STS: variants seen among roughly 807,000 people sequenced by gnomAD.
STS encodes steroid sulfatase.
STS carries 7 observed loss-of-function variants against 26.8 expected under a neutral mutation model. That is an observed-to-expected ratio of 0.26 (90% CI 0.15 to 0.49). The LOEUF (loss-of-function observed/expected upper bound fraction) is 0.49. Among genes scored for constraint, STS ranks in the 20% least tolerant of loss-of-function variants. The pLI, the probability that STS is intolerant of heterozygous loss-of-function variation, is 0.98. For synonymous variants in STS, 199 were observed against 189.4 expected, an observed-to-expected ratio of 1.05 and a Z score of -0.42; for missense variants, 434 against 465.6, an observed-to-expected ratio of 0.93 and a Z score of 0.63.
intron 8 of STS, among the ~76,000 whole-genome samples, chrX:7,323,631 C>A (rs1927181037): frequency 8.9e-6 from 1 of 111,754 alleles, no homozygotes; most frequent in East Asian, 2.8e-4. Context: ...TGTCGATGGG[C>A]ACCTGGATTA....
At chrX:7,237,218 A>T (rs1922360052) in intron 2 of STS, among the ~76,000 whole-genome samples, 1 of 110,185 alleles carries the variant, frequency 9.1e-6, no homozygotes, top group African/African-American at 3.3e-5. Context: ...TTGCTCAAAA[A>T]AAAAAAAAAA....
chrX:7,244,203 A>G (rs1922755390), intron 2 of STS, among the ~76,000 whole-genome samples: 1 of 112,069 alleles, frequency 8.9e-6, no homozygotes, highest in South Asian at 3.7e-4. Flanking sequence ...TAAGGTAGCA[A>G]AAGATTTGCC....
intron 2 of STS, among the ~76,000 whole-genome samples, chrX:7,237,271 G>T (rs1057445889): frequency 3.8e-5 from 4 of 106,399 alleles, no homozygotes; most frequent in Non-Finnish European, 5.8e-5. Context: ...AAAACACGAA[G>T]GCCTTTTAAA....
chrX:7,341,569 C>G (rs1228891877), intron 10 of STS, among the ~76,000 whole-genome samples: 1 of 112,124 alleles, frequency 8.9e-6, no homozygotes, highest in Admixed American at 9.5e-5. Flanking sequence ...ACTCCGTTAT[C>G]TGCCATGATC....
intron 8 of STS, among the ~76,000 whole-genome samples, chrX:7,324,443 GAGA>G (rs2147163683): frequency 8.9e-6 from 1 of 111,977 alleles, no homozygotes; most frequent in East Asian, 2.8e-4. Context: ...GACCCCAAAA[GAGA>G]AGGAGATTGT....
chrX:7,159,048 C>T (rs1933190099), intron 1 of STS, among the ~76,000 whole-genome samples: 1 of 111,443 alleles, frequency 9.0e-6, no homozygotes, highest in African/African-American at 3.3e-5. Flanking sequence ...TACTGAGAGC[C>T]AGAGGCACAC....
chrX:7,257,821 T>G lies in STS; in HGVS notation c.382+233T>G, dbSNP rs377372816. On this transcript the variant is annotated intron_variant, in intron 5 of 10. Coordinates refer to ENST00000674429, the MANE Select transcript of STS (RefSeq NM_001320752.2). The stretch of plus-strand genomic sequence containing the variant: ...TATAGATGTGTGTGTGTGTGTGTGT[T>G]GTGTGTTTGTGTGTGTGTGTGCATG... Among the ~76,000 whole-genome samples, 62 of 88,364 alleles carry G rather than the reference T, an allele frequency of 7.0e-4. No homozygotes were observed. The highest frequency in any genetic ancestry group is 3.2e-4 in the Non-Finnish European group (13 of 41,137). The allele number at this position is 88,364 out of a possible 115,157, so 76.7% of individuals were successfully genotyped here. A position where few individuals can be genotyped will look rare whatever the true frequency, so the allele number is the denominator to read the frequency against.
At chrX:7,322,082 G>A (rs1468553830) in intron 8 of STS, among the ~76,000 whole-genome samples, 2 of 112,618 alleles carry the variant, frequency 1.8e-5, no homozygotes, top group East Asian at 2.8e-4. Context: ...ATTTATTCAC[G>A]TGCGTGGAGC....
At chrX:7,182,099 A>C (rs1933692124) in intron 1 of STS, among the ~76,000 whole-genome samples, 1 of 111,624 alleles carries the variant, frequency 9.0e-6, no homozygotes, top group South Asian at 3.8e-4. Flanking sequence ...AAAAAACCTC[A>C]AAACAACCAA....
At chrX:7,319,520 G>C (rs1175804498) in intron 8 of STS, among the ~76,000 whole-genome samples, 3 of 109,826 alleles carry the variant, frequency 2.7e-5, no homozygotes, top group African/African-American at 1.0e-4. Context: ...TCTACAGCCA[G>C]GTGCATCCCT....
intron 2 of STS, among the ~76,000 whole-genome samples, chrX:7,249,998 G>T (rs1923059897): frequency 9.0e-6 from 1 of 111,077 alleles, no homozygotes; most frequent in African/African-American, 3.3e-5. Flanking sequence ...CGCCATCAGA[G>T]CTCACTGTAG....
At chrX:7,271,102 A>G (rs1312160673) in intron 6 of STS, among the ~76,000 whole-genome samples, 1 of 110,127 alleles carries the variant, frequency 9.1e-6, no homozygotes, top group Non-Finnish European at 1.9e-5. Flanking sequence ...AATCCATGCA[A>G]TAGCTCCTCG....
rs1490631113 is a variant in STS at position 7,352,845 on chromosome X, AATCTACGT to A, written c.*2590_*2597del. On this transcript the variant is annotated 3_prime_UTR_variant, in exon 11 of 11. Transcript: ENST00000674429. ...AATGCTGCAGGAAAAGCAAAATTGC[AATCTACGT>A]ATCTATGGTACTAAGGAAGTCCTGT... 1.8e-5 allele frequency: 2 copies of A among 111,038 alleles called. No individual in the cohort carries two copies. Among genetic ancestry groups the A allele is most frequent in the African/African-American group, 6.5e-5 (2 of 30,564 alleles). 9.2% of individuals were successfully genotyped at this position (111,038 alleles called of 1,213,427 possible).
At chrX:7,210,669 A>G (rs940347172) in intron 2 of STS, among the ~76,000 whole-genome samples, 14 of 107,481 alleles carry the variant, frequency 1.3e-4, no homozygotes, top group Non-Finnish European at 2.1e-4. Flanking sequence ...TTTAATATAT[A>G]CTAGGTGTTA....
At chrX:7,325,122 A>G (rs1196937072) in intron 8 of STS, among the ~76,000 whole-genome samples, 1 of 112,031 alleles carries the variant, frequency 8.9e-6, no homozygotes, top group African/African-American at 3.2e-5. Flanking sequence ...AAGATGCCAT[A>G]CAGTGCTGAC....
At chrX:7,194,764 T>C (rs919466377) in intron 2 of STS, among the ~76,000 whole-genome samples, 1 of 112,200 alleles carries the variant, frequency 8.9e-6, no homozygotes, top group Admixed American at 9.5e-5. Flanking sequence ...TTCAAATTCC[T>C]ATTGCTTTGT....
intron 1 of STS, among the ~76,000 whole-genome samples, chrX:7,163,462 C>T (rs1181600363): frequency 8.9e-6 from 1 of 112,107 alleles, no homozygotes; most frequent in Non-Finnish European, 1.9e-5. Context: ...GCTGGTTTGA[C>T]CTGGGTCATT....
intron 1 of STS, among the ~76,000 whole-genome samples, chrX:7,164,422 T>G (rs1035715806): frequency 3.6e-5 from 4 of 111,205 alleles, no homozygotes; most frequent in Non-Finnish European, 7.5e-5. Context: ...GCTTCCATTA[T>G]GTAAAACCTC....
chrX:7,218,754 G>A, intron 2 of STS, among the ~76,000 whole-genome samples: 1 of 112,257 alleles, frequency 8.9e-6, no homozygotes, highest in East Asian at 2.8e-4. Context: ...TGTTTTCCAA[G>A]ATCAAAGGGT....
Sources: gnomAD v4.1 joint callset for allele counts (sites outside exome capture counted in the v4.1 genomes callset) on GRCh38, gnomAD v4.1.1 for gene constraint, MANE v1.5 for transcripts, NCBI Gene and HGNC (gene_info 2026-07-23, HGNC 2026-07-21) for gene names.